Variants in RECQL5 observed in about 807,000 individuals in gnomAD.
RECQL5 encodes the protein ATP-dependent DNA helicase Q5.
Under a neutral mutation model 103.4 loss-of-function variants are expected in RECQL5, and 88 were observed. That is an observed-to-expected ratio of 0.85 (90% CI 0.72 to 1.02). The LOEUF is 1.02. Ranked by LOEUF, RECQL5 falls within the 50% of genes least tolerant of loss-of-function variation. The probability of loss-of-function intolerance (pLI) is 0.00; values close to 1 mark genes in which losing one functional copy is unlikely to be tolerated. For synonymous variants in RECQL5, 552 were observed against 507.9 expected (o/e 1.09, Z -1.17); for missense variants, 1,232 against 1,284.3 (o/e 0.96, Z 0.62).
intron 8 of RECQL5, among the ~76,000 whole-genome samples, chr17:75,648,501 T>C (rs1174485868): frequency 3.3e-5 from 5 of 150,800 alleles, no homozygotes; most frequent in Non-Finnish European, 7.4e-5. Context: ...GCCTCCCGAG[T>C]AGCTGGGACT....
rs765614838 is a variant in RECQL5, at chr17:75,662,586, G to A, written c.664C>T (p.Arg222Trp). The A allele has an allele frequency of 8.7e-6, 14 of 1,614,034 alleles. No individual in the cohort carries two copies. The highest frequency in any genetic ancestry group is 4.0e-5 in the African/African-American group (3 of 74,908). The change falls in exon 4 of 20, where the codon CGG becomes TGG. Residue 222 changes from arginine (R) to tryptophan (W), a missense_variant. Arg to Trp is a moderately radical substitution (Grantham distance 101, BLOSUM62 -3). Transcript: ENST00000317905. ...PVAIFKTPCF[R>W]ANLFYDVQFK... is the part of the protein sequence containing the mutation. ...TGCACATCATAGAAGAGGTTGGCCC[G>A]GAAGCAGGGAGTCTTGAAGATGGCA...
chr17:75,666,304 A>G, intron 2 of RECQL5, 124 bp downstream of exon 2: 1 of 1,155,526 alleles, frequency 8.7e-7, no homozygotes, highest in East Asian at 2.4e-5. Context: ...ACAACTCTAA[A>G]GATTTCCAAA....
intron 7 of RECQL5, among the ~76,000 whole-genome samples, chr17:75,651,618 A>T (rs879740948): frequency 6.6e-6 from 1 of 152,144 alleles, no homozygotes; most frequent in Non-Finnish European, 1.5e-5. Flanking sequence ...AAAAAGTAAC[A>T]AGGGAGAAAA....
At chr17:75,644,261 C>T (rs539622655) in intron 8 of RECQL5, among the ~76,000 whole-genome samples, 16 of 152,206 alleles carry the variant, frequency 1.1e-4, no homozygotes, top group Admixed American at 3.3e-4. Flanking sequence ...GCTGAGATCA[C>T]GCCACCGCAC....
intron 1 of RECQL5, 133 bp downstream of exon 1, chr17:75,666,911 T>A (rs2059794186): frequency 3.7e-6 from 1 of 272,462 alleles, no homozygotes; most frequent in African/African-American, 2.3e-5. Context: ...CTGCTCCTAC[T>A]TCTATAAGCG....
chr17:75,657,614 C>T (rs773325063), intron 7 of RECQL5, among the ~76,000 whole-genome samples: 11 of 151,784 alleles, frequency 7.2e-5, no homozygotes, highest in African/African-American at 1.7e-4. Flanking sequence ...ATTAGCTGGG[C>T]GTGGTGGCAC....
chr17:75,658,187 G>T, intron 7 of RECQL5, 111 bp downstream of exon 7: 3 of 1,166,876 alleles, frequency 2.6e-6, no homozygotes, highest in Non-Finnish European at 3.6e-6. Context: ...CTTACAGGTT[G>T]GGAGCAGCCT....
intron 8 of RECQL5, chr17:75,633,925 C>T (rs145760127): frequency 9.6e-4 from 944 of 986,744 alleles, no homozygotes; most frequent in Non-Finnish European, 1.1e-3. Context: ...CTGAGCAGCG[C>T]TCTCAGGGCA....
intron 2 of RECQL5, 129 bp downstream of exon 2, chr17:75,666,299 T>C: frequency 1.8e-6 from 2 of 1,099,474 alleles, no homozygotes; most frequent in East Asian, 2.4e-5. Flanking sequence ...CTTTGACAAC[T>C]CTAAAGATTT....
chr17:75,650,173 G>A, intron 8 of RECQL5: 3 of 987,130 alleles, frequency 3.0e-6, no homozygotes, highest in Non-Finnish European at 3.6e-6. Context: ...CTTGAAAAGG[G>A]CTCTGGTCGC....
intron 8 of RECQL5, chr17:75,650,521 A>G (rs2059540978): frequency 6.9e-7 from 1 of 1,448,162 alleles, no homozygotes; most frequent in African/African-American, 1.4e-5. Flanking sequence ...ATTCACCTCT[A>G]AGTCTGAAGC....
At chr17:75,630,545 G>T in intron 13 of RECQL5, 74 bp downstream of exon 13, 1 of 1,516,234 alleles carries the variant, frequency 6.6e-7, no homozygotes, top group South Asian at 1.1e-5. Context: ...ACAGGCCAGG[G>T]TTGACAGGGT....
rs552147045 is a variant in RECQL5, at chr17:75,643,917, G to A, written c.1229+7269C>T. Among the ~76,000 whole-genome samples the A allele has an allele frequency of 3.9e-3, 597 of 152,310 alleles. 2 individuals carry two copies. The highest frequency in any genetic ancestry group is 6.3e-3 in the Non-Finnish European group (430 of 68,020). On this transcript the variant is annotated intron_variant, in intron 8 of 19. Transcript: ENST00000317905. ...ACCCCAAGCTGTGCCCTCTGCTTCC[G>A]CCACAGGGCAGGCTGCTCTCGGCTC...
intron 6 of RECQL5, among the ~76,000 whole-genome samples, chr17:75,659,446 C>G (rs962732253): frequency 1.5e-4 from 23 of 152,178 alleles, no homozygotes; most frequent in Admixed American, 4.6e-4. Flanking sequence ...CAGCCTCAAC[C>G]CCCGGCCTCA....
At position 75,662,957 on chromosome 17, in the gene RECQL5, C is replaced by A. The variant is rs146861903; in HGVS notation, c.293G>T (p.Ser98Ile). 6.2e-7 allele frequency: 1 copy of A among 1,613,264 alleles called. No individual in the cohort carries two copies. Among genetic ancestry groups the A allele is most frequent in the Non-Finnish European group, 8.5e-7 (1 of 1,179,656 alleles). The change falls in exon 4 of 20, where the codon AGT becomes ATT. Residue 98 changes from serine to isoleucine, a missense_variant. By Grantham distance (142) the Ser-to-Ile change is moderately radical (BLOSUM62 -2). Transcript: ENST00000317905. ...TGCAGAGAGCTTCGAGTTCAGGGAA[C>A]TTACTCGTACCTTTAGGGTTAGCAA... The part of the protein sequence containing the change: ...DHLLTLKVRV[S>I]SLNSKLSAQE...
chr17:75,660,096 C>G (rs1289549791), intron 6 of RECQL5, among the ~76,000 whole-genome samples: 1 of 152,054 alleles, frequency 6.6e-6, no homozygotes, highest in Non-Finnish European at 1.5e-5. Flanking sequence ...AGACAGGGTC[C>G]TGGTCTGTTG....
intron 8 of RECQL5, among the ~76,000 whole-genome samples, chr17:75,645,630 G>A (rs1048259362): frequency 6.6e-6 from 1 of 152,332 alleles, no homozygotes; most frequent in East Asian, 1.9e-4. Context: ...CCACTGCTGT[G>A]AGCGTTCAGC....
At chr17:75,658,669 G>A (rs73995958) in intron 6 of RECQL5, among the ~76,000 whole-genome samples, 17 of 152,142 alleles carry the variant, frequency 1.1e-4, no homozygotes, top group African/African-American at 3.1e-4. Flanking sequence ...AGGAGTTAAG[G>A]GGGGGCAAAT....
intron 8 of RECQL5, chr17:75,650,833 G>C: frequency 6.7e-7 from 1 of 1,492,110 alleles, no homozygotes; most frequent in African/African-American, 1.4e-5. Flanking sequence ...CTCAAGTGAT[G>C]CCAGAAGTCC....
Sources: gnomAD v4.1 joint callset for allele counts (sites outside exome capture counted in the v4.1 genomes callset) on GRCh38, gnomAD v4.1.1 for gene constraint, MANE v1.5 for transcripts, NCBI Gene and HGNC (gene_info 2026-07-23, HGNC 2026-07-21) for gene names.